VPS13B: variants seen among roughly 807,000 people sequenced by gnomAD.
VPS13B encodes the protein intermembrane lipid transfer protein VPS13B.
VPS13B carries 285 observed loss-of-function variants against 426.4 expected under a neutral mutation model. The observed-to-expected ratio is 0.67, with a 90% CI of 0.61 to 0.74. VPS13B has a LOEUF of 0.74. Among genes scored for constraint, VPS13B ranks in the 30% least tolerant of loss-of-function variants. The probability of loss-of-function intolerance (pLI) is 0.00; values close to 1 mark genes in which losing one functional copy is unlikely to be tolerated. For missense variants in VPS13B, 4,537 were observed against 4,782.6 expected (o/e 0.95, Z 1.51); for synonymous variants, 1,676 against 1,676.4 (o/e 1.00, Z 0.01).
At chr8:99,521,798 A>T (rs1822390549) in intron 30 of VPS13B, among the ~76,000 whole-genome samples, 1 of 152,212 alleles carries the variant, frequency 6.6e-6, no homozygotes, top group South Asian at 2.1e-4. Flanking sequence ...CTAGGAAAAG[A>T]TTCTAATTTT....
rs147682334 is a variant in VPS13B at position 99,274,237 on chromosome 8, C to T, written c.2555C>T (p.Ser852Leu). The T allele has an allele frequency of 1.9e-5, 31 of 1,614,100 alleles. No individual in the cohort carries two copies. Among genetic ancestry groups the T allele is most frequent in the Non-Finnish European group, 2.5e-5 (30 of 1,180,022 alleles). The change falls in exon 18 of 62, where the codon TCA becomes TTA. Residue 852 changes from serine to leucine, a missense_variant. Transcript: ENST00000357162. The part of the protein sequence containing the change: ...SKNPLPTLEG[S>L]IQNVELKYCS... ...AATCCCCTGCCAACTCTTGAGGGCT[C>T]AATCCAGAATGTTGAATTGAAGTAC...
chr8:99,589,327 G>A (rs901234558), intron 33 of VPS13B, among the ~76,000 whole-genome samples: 4 of 151,506 alleles, frequency 2.6e-5, no homozygotes, highest in Admixed American at 6.6e-5. Context: ...TTAGCATTAG[G>A]TATATCTCCT....
chr8:99,824,743 C>T (rs374556100), intron 51 of VPS13B, among the ~76,000 whole-genome samples: 41 of 152,178 alleles, frequency 2.7e-4, no homozygotes, highest in African/African-American at 9.4e-4. Flanking sequence ...CCCCCTGCGA[C>T]AGGCCCTGGT....
At chr8:99,220,905 A>G (rs1588150639) in intron 17 of VPS13B, among the ~76,000 whole-genome samples, 1 of 110,344 alleles carries the variant, frequency 9.1e-6, no homozygotes, top group East Asian at 2.6e-4. Context: ...GTCATCTAGC[A>G]TTAGGTATAT....
chr8:99,675,374 T>A (rs951951093), intron 35 of VPS13B, among the ~76,000 whole-genome samples: 5 of 152,180 alleles, frequency 3.3e-5, no homozygotes, highest in African/African-American at 1.2e-4. Context: ...GCTTTCAGGA[T>A]CCTGTCTTTG....
intron 35 of VPS13B, among the ~76,000 whole-genome samples, chr8:99,661,741 C>T (rs778567820): frequency 1.4e-4 from 21 of 152,000 alleles, no homozygotes; most frequent in Non-Finnish European, 2.6e-4. Context: ...AAGCCAAAGC[C>T]CCAATATTTT....
chr8:99,845,755 A>T (rs1815949483), intron 54 of VPS13B, among the ~76,000 whole-genome samples: 1 of 152,106 alleles, frequency 6.6e-6, no homozygotes, highest in Admixed American at 6.5e-5. Flanking sequence ...GTCAACAAAT[A>T]TTTTTTTAAG....
intron 31 of VPS13B, among the ~76,000 whole-genome samples, chr8:99,564,986 T>C (rs1016027099): frequency 6.6e-6 from 1 of 152,254 alleles, no homozygotes; most frequent in Non-Finnish European, 1.5e-5. Flanking sequence ...TGAGGAAATG[T>C]ACTGATGTCT....
intron 4 of VPS13B, among the ~76,000 whole-genome samples, chr8:99,099,766 C>G (rs546562299): frequency 6.6e-6 from 1 of 151,858 alleles, no homozygotes; most frequent in Non-Finnish European, 1.5e-5. Context: ...AGGAAGAACA[C>G]GAGTAAAGTT....
chr8:99,384,787 C>T (rs1203365054), intron 20 of VPS13B, among the ~76,000 whole-genome samples: 2 of 152,174 alleles, frequency 1.3e-5, no homozygotes, highest in Non-Finnish European at 2.9e-5. Flanking sequence ...TCAAGTGATT[C>T]TTGTGCCTCA....
chr8:99,583,453 A>C (rs1168340611), intron 33 of VPS13B, among the ~76,000 whole-genome samples: 1 of 152,170 alleles, frequency 6.6e-6, no homozygotes, highest in African/African-American at 2.4e-5. Flanking sequence ...AAAATAATGC[A>C]TTGGGCTTTT....
chr8:99,494,116 A>C (rs1820769440), intron 25 of VPS13B, among the ~76,000 whole-genome samples: 1 of 152,110 alleles, frequency 6.6e-6, no homozygotes, highest in Non-Finnish European at 1.5e-5. Flanking sequence ...ATATTACTAT[A>C]AGTTTTTTGG....
chr8:99,499,642 T>C (rs1488889725), intron 25 of VPS13B, among the ~76,000 whole-genome samples: 1 of 152,206 alleles, frequency 6.6e-6, no homozygotes, highest in African/African-American at 2.4e-5. Context: ...CTGATTTTTT[T>C]ATAGCTTCTC....
At chr8:99,378,385 G>A (rs889553732) in intron 19 of VPS13B, among the ~76,000 whole-genome samples, 1 of 152,014 alleles carries the variant, frequency 6.6e-6, no homozygotes, top group African/African-American at 2.4e-5. Context: ...AACAATTTGT[G>A]CAGTTAAAGC....
intron 40 of VPS13B, among the ~76,000 whole-genome samples, chr8:99,774,227 T>C (rs1399528926): frequency 6.6e-6 from 1 of 152,222 alleles, no homozygotes; most frequent in Non-Finnish European, 1.5e-5. Flanking sequence ...ATAAAAGTTT[T>C]AATTTTTGCA....
At chr8:99,742,410 G>A (rs1216075717) in intron 39 of VPS13B, among the ~76,000 whole-genome samples, 1 of 152,146 alleles carries the variant, frequency 6.6e-6, no homozygotes, top group Non-Finnish European at 1.5e-5. Context: ...GGAGGAGCTG[G>A]TACCATTCCT....
intron 21 of VPS13B, among the ~76,000 whole-genome samples, chr8:99,416,214 G>A (rs1360484199): frequency 1.3e-5 from 2 of 152,166 alleles, no homozygotes. Context: ...TGTTTACACT[G>A]TGTGGGGAAA....
chr8:99,651,401 A>G (rs773220343), intron 34 of VPS13B, among the ~76,000 whole-genome samples: 48 of 152,090 alleles, frequency 3.2e-4, no homozygotes, highest in Non-Finnish European at 3.7e-4. Flanking sequence ...ATCAACTTGA[A>G]TTTTTAATGA....
chr8:99,181,064 G>T (rs1388052291), intron 16 of VPS13B, among the ~76,000 whole-genome samples: 1 of 152,128 alleles, frequency 6.6e-6, no homozygotes, highest in Non-Finnish European at 1.5e-5. Context: ...ATTTTTAGGA[G>T]TTTGTCCTTA....
Sources: allele counts gnomAD v4.1 joint callset (sites outside exome capture counted in the v4.1 genomes callset), GRCh38; gene constraint gnomAD v4.1.1; transcripts MANE v1.5; gene names NCBI Gene and HGNC (gene_info 2026-07-23, HGNC 2026-07-21).